Variants in NFATC1 observed in about 807,000 individuals in gnomAD.
NFATC1 encodes nuclear factor of activated T cells 1, also known as nuclear factor of activated T-cells, cytoplasmic 1.
Under a neutral mutation model 76.0 loss-of-function variants are expected in NFATC1, and 22 were observed. That is an observed-to-expected ratio of 0.29 (90% CI 0.21 to 0.41). The LOEUF is 0.41. Ranked by LOEUF, NFATC1 falls within the 10% of genes least tolerant of loss-of-function variation. NFATC1 has a pLI of 1.00. For missense variants in NFATC1, 1,357 were observed against 1,337.7 expected (o/e 1.01, Z -0.23); for synonymous variants, 704 against 613.1 (o/e 1.15, Z -2.19).
chr18:79,456,582 C>T (rs151289642), intron 6 of NFATC1, among the ~76,000 whole-genome samples: 111 of 152,256 alleles, frequency 7.3e-4, no homozygotes, highest in African/African-American at 2.6e-3. Context: ...TTCTCGCGGG[C>T]GGGGAGGAGG....
chr18:79,525,766 C>T (rs934297550), intron 9 of NFATC1, among the ~76,000 whole-genome samples: 2 of 152,208 alleles, frequency 1.3e-5, no homozygotes, highest in African/African-American at 4.8e-5. Context: ...ATTGGGCAGC[C>T]TCCCTTCCCC....
At chr18:79,494,330 C>T (rs1308023433) in intron 9 of NFATC1, among the ~76,000 whole-genome samples, 2 of 134,288 alleles carry the variant, frequency 1.5e-5, no homozygotes, top group East Asian at 2.3e-4. Context: ...CTGGTACGGC[C>T]GGGGGAAGGC....
At chr18:79,400,262 C>CGGGGGA in intron 1 of NFATC1, 1 of 1,009,266 alleles carries the variant, frequency 9.9e-7, no homozygotes, top group Non-Finnish European at 1.2e-6. Flanking sequence ...CCCCGGGGGG[C>CGGGGGA]GGGGGCGGGG....
In NFATC1 at chr18:79,433,541, G is replaced by A. The variant is rs1283409633; in HGVS notation, c.1227-38G>A. 4 of 1,611,642 alleles carry A rather than the reference G, an allele frequency of 2.5e-6. No individual in the cohort carries two copies. In the Admixed American group the frequency reaches 6.7e-5, roughly 27 times the overall value. ...CACGTGTGGCCCGGGCGAGGTCTGT[G>A]TGGTGCTGAACGCCTCCTCTGCTCT... On this transcript the variant is annotated intron_variant, in intron 2 of 9. Transcript: ENST00000427363.
At chr18:79,526,057 G>A (rs575289140) in intron 9 of NFATC1, among the ~76,000 whole-genome samples, 68 of 152,338 alleles carry the variant, frequency 4.5e-4, no homozygotes, top group African/African-American at 1.4e-3. Flanking sequence ...GGGGACGTGC[G>A]ACCCCCACAC....
chr18:79,445,594 G>A (rs1162134385), intron 3 of NFATC1, among the ~76,000 whole-genome samples: 1 of 152,258 alleles, frequency 6.6e-6, no homozygotes, highest in Non-Finnish European at 1.5e-5. Context: ...CCAGCATGGG[G>A]GGAATCGGGG....
At chr18:79,448,181 G>A (rs1240694974) in intron 3 of NFATC1, 1 of 155,824 alleles carries the variant, frequency 6.4e-6, no homozygotes, top group East Asian at 1.9e-4. Flanking sequence ...CCTAGGCAGT[G>A]TCTGCCGCCA....
intron 4 of NFATC1, among the ~76,000 whole-genome samples, chr18:79,450,662 G>GTGGAGGC (rs759987818): frequency 2.0e-5 from 3 of 152,148 alleles, no homozygotes; most frequent in East Asian, 1.9e-4. Context: ...GGGGTGGAGG[G>GTGGAGGC]TGGAGGCTGG....
Position 79,528,359 on chromosome 18 carries a change from A to T in NFATC1, c.*782A>T, listed in dbSNP as rs1182290901. 1 of 156,838 alleles carries T rather than the reference A, an allele frequency of 6.4e-6. No individual in the cohort carries two copies. Among genetic ancestry groups the T allele is most frequent in the Non-Finnish European group, 1.4e-5 (1 of 71,308 alleles). 9.7% of individuals were successfully genotyped at this position (156,838 alleles called of 1,614,324 possible). ...AAAAACCTGTTACAGGATAGCCTGCATTTGCATGTGTGTACATATCTAGGC... is the reference window on the plus strand; with the variant it reads ...AAAAACCTGTTACAGGATAGCCTGCTTTTGCATGTGTGTACATATCTAGGC... On this transcript the variant is annotated 3_prime_UTR_variant, in exon 10 of 10. Coordinates refer to ENST00000427363, the MANE Select transcript of NFATC1 (RefSeq NM_001278669.2).
chr18:79,423,070 C>A (rs987697930), intron 2 of NFATC1, among the ~76,000 whole-genome samples: 19 of 151,472 alleles, frequency 1.3e-4, no homozygotes, highest in Non-Finnish European at 2.4e-4. Context: ...TGTTGTGAGG[C>A]TCACGAGATA....
chr18:79,405,674 G>A lies in NFATC1; in HGVS notation c.128-4729G>A, dbSNP rs543971256. On this transcript the variant is annotated intron_variant, in intron 1 of 9. Coordinates refer to ENST00000427363, the MANE Select transcript of NFATC1 (RefSeq NM_001278669.2). ...CTACCCGCCCTCCAAGGACCTGGGC[G>A]AGGGATCCTAATGAAATTCAAGCAT... Among the ~76,000 whole-genome samples the A allele has an allele frequency of 3.9e-4, 60 of 152,366 alleles. 1 individual carries two copies. The highest frequency in any genetic ancestry group is 1.4e-3 in the Admixed American group (21 of 15,314).
At position 79,410,317 on chromosome 18, in the gene NFATC1, G is replaced by C. The variant is rs2085620735; in HGVS notation, c.128-86G>C. ...CTTGGGGTCCGTTGGTCGAGGCCGG[G>C]GGTTGCTGGCCGGCCCTGAGTTCAT... is the stretch of plus-strand genomic sequence containing the variant. On this transcript the variant is annotated intron_variant, in intron 1 of 9. Coordinates refer to ENST00000427363, the MANE Select transcript of NFATC1 (RefSeq NM_001278669.2). This position sits in a 1 kb window ranked among gnomAD's most constrained non-coding sequence, Gnocchi z 6.7. 1 of 1,522,082 alleles carries C rather than the reference G, an allele frequency of 6.6e-7. No individual in the cohort carries two copies. The highest frequency in any genetic ancestry group is 8.8e-7 in the Non-Finnish European group (1 of 1,139,904). 94.3% of individuals were successfully genotyped at this position (1,522,082 alleles called of 1,614,324 possible).
chr18:79,444,401 C>T lies in NFATC1; in HGVS notation c.1387-4381C>T, dbSNP rs910680992. ...ACTGGGAACCAGGACAAGAGGTGTG[C>T]GGCGTCAGGCTGTGTCCTTCCCCCA... On this transcript the variant is annotated intron_variant, in intron 3 of 9. Coordinates refer to ENST00000427363, the MANE Select transcript of NFATC1 (RefSeq NM_001278669.2). Among the ~76,000 whole-genome samples, 11 of 152,296 alleles carry T rather than the reference C, an allele frequency of 7.2e-5. No homozygotes were observed. The South Asian group carries it at 1.2e-3, about 17-fold the overall frequency.
At chr18:79,446,883 C>T (rs1234424590) in intron 3 of NFATC1, among the ~76,000 whole-genome samples, 2 of 152,346 alleles carry the variant, frequency 1.3e-5, no homozygotes, top group Admixed American at 6.5e-5. Flanking sequence ...CCACGTGATG[C>T]CTTCGTTCAG....
intron 3 of NFATC1, among the ~76,000 whole-genome samples, chr18:79,445,163 T>G (rs2087153830): frequency 6.6e-6 from 1 of 152,272 alleles, no homozygotes; most frequent in Non-Finnish European, 1.5e-5. Flanking sequence ...AAAGTCTCCC[T>G]GGAGCATCAA....
intron 7 of NFATC1, among the ~76,000 whole-genome samples, chr18:79,462,503 C>T (rs2088163635): frequency 6.6e-6 from 1 of 151,982 alleles, no homozygotes; most frequent in South Asian, 2.1e-4. Flanking sequence ...GGGGTTTTGC[C>T]ATGTTGGCCA....
At chr18:79,492,582 G>A (rs990638304) in intron 9 of NFATC1, among the ~76,000 whole-genome samples, 5 of 152,066 alleles carry the variant, frequency 3.3e-5, no homozygotes, top group Admixed American at 1.3e-4. Context: ...GGTGGCGGGC[G>A]CCTGTAGTCC....
Position 79,396,216 on chromosome 18 carries a change from G to C in NFATC1, c.-9G>C. Reference sequence around the variant, plus strand: ...GCCCGCCGCTCCACTCCCCGCCGCCGCCGCGCGGATGCCAAGCACCAGCTT... The same window carrying C: ...GCCCGCCGCTCCACTCCCCGCCGCCCCCGCGCGGATGCCAAGCACCAGCTT... On this transcript the variant is annotated 5_prime_UTR_variant, in exon 1 of 10. Transcript: ENST00000427363. The C allele has an allele frequency of 4.7e-6, 7 of 1,475,670 alleles. No individual in the cohort carries two copies. Among genetic ancestry groups the C allele is most frequent in the Non-Finnish European group, 6.3e-6 (7 of 1,104,128 alleles). 91.4% of individuals were successfully genotyped at this position (1,475,670 alleles called of 1,614,324 possible).
chr18:79,475,366 G>C (rs1024744746), intron 8 of NFATC1, among the ~76,000 whole-genome samples: 2 of 141,086 alleles, frequency 1.4e-5, no homozygotes, highest in Non-Finnish European at 3.0e-5. Flanking sequence ...GTGTTTTCAC[G>C]CTCACTGTCG....
Sources: gnomAD v4.1 joint callset for allele counts (sites outside exome capture counted in the v4.1 genomes callset) on GRCh38, gnomAD v4.1.1 for gene constraint, Gnocchi (gnomAD v3.1) non-coding constraint, MANE v1.5 for transcripts, NCBI Gene and HGNC (gene_info 2026-07-23, HGNC 2026-07-21) for gene names.